YIPF7: variants seen among roughly 807,000 people sequenced by gnomAD.
YIPF7 encodes protein YIPF7.
Under a neutral mutation model 27.2 loss-of-function variants are expected in YIPF7, and 35 were observed. That is an observed-to-expected ratio of 1.29 (90% CI 0.98 to 1.70). YIPF7 has a LOEUF of 1.70. YIPF7 is among the 40% of genes most tolerant of loss of function. YIPF7 has a pLI of 0.00. For missense variants in YIPF7, 358 were observed against 303.7 expected (o/e 1.18, Z -1.33); for synonymous variants, 137 against 110.4 (o/e 1.24, Z -1.51).
intron 1 of YIPF7, among the ~76,000 whole-genome samples, chr4:44,650,507 G>GCACGCACACACA (rs1553873573): frequency 7.3e-6 from 1 of 137,086 alleles, no homozygotes; most frequent in Admixed American, 7.3e-5. Flanking sequence ...GCGCGCGCGC[G>GCACGCACACACA]CACACACACA....
chr4:44,653,483 C>T (rs917739819), upstream of YIPF7, among the ~76,000 whole-genome samples: 15 of 151,974 alleles, frequency 9.9e-5, no homozygotes, highest in African/African-American at 3.6e-4. Flanking sequence ...AGATGAATTA[C>T]AGGGGTCAAT....
intron 2 of YIPF7, among the ~76,000 whole-genome samples, chr4:44,648,421 G>A (rs1333435514): frequency 1.3e-5 from 2 of 152,084 alleles, no homozygotes; most frequent in Non-Finnish European, 2.9e-5. Context: ...TCAACCTGTA[G>A]TGCCTAATTC....
chr4:44,632,612 G>A (rs528453218), intron 3 of YIPF7, among the ~76,000 whole-genome samples: 1 of 152,222 alleles, frequency 6.6e-6, no homozygotes, highest in East Asian at 1.9e-4. Flanking sequence ...ACACATTTTT[G>A]TGCATAGTAT....
At chr4:44,661,358 A>G (rs1714036907) in intron 1 of YIPF7, among the ~76,000 whole-genome samples, 1 of 152,184 alleles carries the variant, frequency 6.6e-6, no homozygotes, top group Non-Finnish European at 1.5e-5. Flanking sequence ...AGAAATATTA[A>G]CATCCTACAA....
chr4:44,650,101 C>G lies in YIPF7; in HGVS notation c.-1G>C, dbSNP rs1440644671. 1.2e-5 allele frequency: 18 copies of G among 1,524,112 alleles called. No individual in the cohort carries two copies. The highest frequency in any genetic ancestry group is 1.5e-5 in the Non-Finnish European group (17 of 1,118,442). 94.4% of individuals were successfully genotyped at this position (1,524,112 alleles called of 1,614,324 possible). A position where few individuals can be genotyped will look rare whatever the true frequency, so the allele number is the denominator to read the frequency against. On this transcript the variant is annotated splice_region_variant and 5_prime_UTR_variant, in exon 2 of 6. Coordinates refer to ENST00000415895, the MANE Select transcript of YIPF7 (RefSeq NM_182592.3). ...AGTCAAATTGTGCCAAGTTTGACATCCTGAAAAATAAGAGTATGTTTTTAA... is the reference window on the plus strand; with the variant it reads ...AGTCAAATTGTGCCAAGTTTGACATGCTGAAAAATAAGAGTATGTTTTTAA...
chr4:44,649,522 A>G (rs2109600208), intron 2 of YIPF7, among the ~76,000 whole-genome samples: 1 of 152,078 alleles, frequency 6.6e-6, no homozygotes, highest in Middle Eastern at 3.4e-3. Context: ...TATAATCCAA[A>G]CACTTTGGGA....
intron 3 of YIPF7, among the ~76,000 whole-genome samples, chr4:44,633,986 C>T (rs1263568670): frequency 6.6e-6 from 1 of 152,018 alleles, no homozygotes; most frequent in Admixed American, 6.6e-5. Flanking sequence ...GAGTAGAACA[C>T]CATTTTTGAG....
intron 2 of YIPF7, among the ~76,000 whole-genome samples, chr4:44,660,113 CAAAAAAAA>C (rs11461675): frequency 1.2e-4 from 3 of 25,520 alleles, no homozygotes; most frequent in South Asian, 2.6e-3. Context: ...GACTCTGTCT[CAAAAAAAA>C]AAAAAAAAAA....
Position 44,624,743 on chromosome 4 carries a change from C to A in YIPF7, c.466G>T (p.Ala156Ser), listed in dbSNP as rs1269278618. 5 of 1,611,730 alleles carry A rather than the reference C, an allele frequency of 3.1e-6. No homozygotes were observed. The highest frequency in any genetic ancestry group is 1.7e-5 in the Admixed American group (1 of 59,812). The change falls in exon 5 of 6, where the codon GCC becomes TCC. Residue 156 changes from alanine to serine, a missense_variant. By Grantham distance (99) the Ala-to-Ser change is moderately conservative (BLOSUM62 1). Transcript: ENST00000415895. ...GCATGAATCACAAGGCAGCCAATGG[C>A]ACTCATGCCATACACATAACCAAAC... Reference protein sequence around the residue: ...VQFGYVYGMSAIGCLVIHALL... With the variant: ...VQFGYVYGMSSIGCLVIHALL...
chr4:44,646,573 A>C (rs1577742046), intron 2 of YIPF7, among the ~76,000 whole-genome samples: 1 of 152,218 alleles, frequency 6.6e-6, no homozygotes, highest in South Asian at 2.1e-4. Context: ...ATATAGCCTC[A>C]GTGACTACCT....
intron 2 of YIPF7, among the ~76,000 whole-genome samples, chr4:44,645,689 A>G (rs921649480): frequency 6.6e-6 from 1 of 152,196 alleles, no homozygotes; most frequent in African/African-American, 2.4e-5. Context: ...AATTAGATCA[A>G]AAGAAACATT....
At chr4:44,630,054 C>T (rs769708915) in intron 3 of YIPF7, among the ~76,000 whole-genome samples, 2 of 152,088 alleles carry the variant, frequency 1.3e-5, no homozygotes, top group Admixed American at 6.6e-5. Context: ...TCAGCTCCTC[C>T]GCCTCCTGGG....
At chr4:44,651,227 C>T (rs1017547667) in intron 1 of YIPF7, among the ~76,000 whole-genome samples, 7 of 152,022 alleles carry the variant, frequency 4.6e-5, no homozygotes, top group African/African-American at 7.2e-5. Context: ...TTAGATGCAG[C>T]GATTCATACA....
At position 44,635,936 on chromosome 4, in the gene YIPF7, G is replaced by C; in HGVS notation, c.266C>G (p.Pro89Arg). The change falls in exon 3 of 6, where the codon CCT becomes CGT. Residue 89 changes from proline to arginine, a missense_variant. By Grantham distance (103) the Pro-to-Arg change is moderately radical (BLOSUM62 -2). Coordinates refer to ENST00000415895, the MANE Select transcript of YIPF7 (RefSeq NM_182592.3). Reference sequence around the variant, plus strand: ...CCTTAACTTATCTTCTAGCAAAGGAGGCTCTTCATCAAAACTGTCAATGTA... The same window carrying C: ...CCTTAACTTATCTTCTAGCAAAGGACGCTCTTCATCAAAACTGTCAATGTA... ...SPYIDSFDEE[P>R]PLLEELGIHF... 1.2e-6 allele frequency: 2 copies of C among 1,613,708 alleles called. No homozygotes were observed. The highest frequency in any genetic ancestry group is 1.7e-6 in the Non-Finnish European group (2 of 1,179,762).
chr4:44,624,551 C>G (rs559992068), intron 5 of YIPF7, 50 bp downstream of exon 5: 4 of 1,477,382 alleles, frequency 2.7e-6, no homozygotes, highest in Non-Finnish European at 2.7e-6. Flanking sequence ...TGTGGCAAAC[C>G]TTGGCTATGA....
At chr4:44,624,913 G>T (rs913515572) in intron 4 of YIPF7, 131 bp from the exon 5 acceptor site, 20 of 784,528 alleles carry the variant, frequency 2.5e-5, no homozygotes, top group Non-Finnish European at 3.6e-5. Context: ...CTGTCATCAG[G>T]AGACTGGAAG....
rs79857850 is a variant in YIPF7 at position 44,626,681 on chromosome 4, A to G, written c.427-1899T>C. ...GTTTCAAATTCTAACAAGGGCTTAT[A>G]ATTGAAATAGAAAATAAATGTTCTA... On this transcript the variant is annotated intron_variant, in intron 4 of 5. Transcript: ENST00000415895. Among the ~76,000 whole-genome samples the G allele has an allele frequency of 8.5e-3, 1,285 of 151,396 alleles. 13 individuals are homozygous for G. Among genetic ancestry groups the G allele is most frequent in the African/African-American group, 0.027 (1,100 of 41,354 alleles).
chr4:44,651,128 G>C (rs888147929), intron 1 of YIPF7, among the ~76,000 whole-genome samples: 2 of 152,062 alleles, frequency 1.3e-5, no homozygotes, highest in African/African-American at 4.8e-5. Context: ...CAACTCTAAA[G>C]GCATCATTAA....
chr4:44,658,924 A>G (rs1262331068), intron 2 of YIPF7, among the ~76,000 whole-genome samples: 1 of 152,208 alleles, frequency 6.6e-6, no homozygotes, highest in Non-Finnish European at 1.5e-5. Flanking sequence ...TGTGGGAATT[A>G]TGGGAGCTAC....
Sources: gnomAD v4.1 joint callset for allele counts (sites outside exome capture counted in the v4.1 genomes callset) on GRCh38, gnomAD v4.1.1 for gene constraint, MANE v1.5 for transcripts, NCBI Gene and HGNC (gene_info 2026-07-23, HGNC 2026-07-21) for gene names.